Variants in CNTN1 observed in about 807,000 individuals in gnomAD.
The protein encoded by CNTN1 is contactin-1.
A neutral mutation model predicts 126.4 loss-of-function variants in CNTN1; 38 were observed. The observed-to-expected ratio is 0.30, with a 90% CI of 0.23 to 0.39. The LOEUF (loss-of-function observed/expected upper bound fraction) is 0.39, where lower values mean the gene tolerates loss of function less well. Ranked by LOEUF, CNTN1 falls within the 10% of genes least tolerant of loss-of-function variation. The probability of loss-of-function intolerance (pLI) is 1.00; values close to 1 mark genes in which losing one functional copy is unlikely to be tolerated. For synonymous variants in CNTN1, 413 were observed against 422.6 expected, an observed-to-expected ratio of 0.98 and a Z score of 0.28; for missense variants, 1,009 against 1,248.4, an observed-to-expected ratio of 0.81 and a Z score of 2.89.
intron 15 of CNTN1, among the ~76,000 whole-genome samples, chr12:40,965,729 G>C (rs1947282094): frequency 6.6e-6 from 1 of 152,000 alleles, no homozygotes; most frequent in Admixed American, 6.6e-5. Flanking sequence ...TGTAACTCTT[G>C]GTGCTAAATC....
intron 14 of CNTN1, among the ~76,000 whole-genome samples, chr12:40,950,963 TA>T (rs1946652997): frequency 6.6e-6 from 1 of 151,938 alleles, no homozygotes; most frequent in Non-Finnish European, 1.5e-5. Flanking sequence ...TAAGCATATA[TA>T]TATAATATAA....
At chr12:40,810,361 C>T (rs763765192) in intron 1 of CNTN1, among the ~76,000 whole-genome samples, 1 of 152,212 alleles carries the variant, frequency 6.6e-6, no homozygotes, top group Non-Finnish European at 1.5e-5. Flanking sequence ...GCCATCATCT[C>T]ACATAGCTAC....
At chr12:41,002,709 C>T (rs998406382) in intron 17 of CNTN1, among the ~76,000 whole-genome samples, 4 of 151,744 alleles carry the variant, frequency 2.6e-5, no homozygotes, top group African/African-American at 9.7e-5. Flanking sequence ...AGGTGCCTAC[C>T]ACCACGCTCG....
intron 1 of CNTN1, among the ~76,000 whole-genome samples, chr12:40,817,628 G>A (rs1214254965): frequency 6.6e-6 from 1 of 151,768 alleles, no homozygotes; most frequent in South Asian, 2.1e-4. Context: ...CAGTTTGCCA[G>A]TCTGTGTATT....
chr12:41,001,141 A>G (rs571411730), intron 17 of CNTN1, among the ~76,000 whole-genome samples: 147 of 152,300 alleles, frequency 9.7e-4, no homozygotes, highest in Admixed American at 1.6e-3. Context: ...TTTTGGGTAT[A>G]TACTCAGTAA....
At chr12:40,715,636 C>G (rs1199933625) in intron 1 of CNTN1, among the ~76,000 whole-genome samples, 8 of 152,100 alleles carry the variant, frequency 5.3e-5, no homozygotes, top group African/African-American at 1.7e-4. Context: ...TTATTACAAT[C>G]AAGCCTTTGG....
intron 9 of CNTN1, among the ~76,000 whole-genome samples, chr12:40,934,404 T>C (rs903353588): frequency 1.3e-5 from 2 of 151,846 alleles, no homozygotes; most frequent in African/African-American, 2.4e-5. Context: ...GGAGTCACAC[T>C]TTGAGAACCA....
At chr12:40,858,174 C>A (rs1215695379) in intron 1 of CNTN1, among the ~76,000 whole-genome samples, 4 of 152,114 alleles carry the variant, frequency 2.6e-5, no homozygotes, top group African/African-American at 9.7e-5. Flanking sequence ...ACTCCCTATT[C>A]TTTGCCCTTC....
intron 23 of CNTN1, among the ~76,000 whole-genome samples, chr12:41,046,156 A>T (rs1008788451): frequency 2.6e-5 from 4 of 152,150 alleles, no homozygotes; most frequent in Admixed American, 6.6e-5. Context: ...AATTTATCTA[A>T]CTTTTCTTTT....
intron 23 of CNTN1, among the ~76,000 whole-genome samples, chr12:41,068,858 G>A (rs556416188): frequency 4.1e-4 from 63 of 152,290 alleles, no homozygotes; most frequent in Non-Finnish European, 7.9e-4. Context: ...AGGCATGGTG[G>A]CTTATGCCTG....
At chr12:40,700,410 C>A (rs1043199880) in intron 1 of CNTN1, among the ~76,000 whole-genome samples, 2 of 151,924 alleles carry the variant, frequency 1.3e-5, no homozygotes, top group African/African-American at 4.8e-5. Context: ...CCTATAATCC[C>A]AGCTACTCAG....
At chr12:40,851,898 G>A (rs1488493446) in intron 1 of CNTN1, among the ~76,000 whole-genome samples, 1 of 152,160 alleles carries the variant, frequency 6.6e-6, no homozygotes, top group Non-Finnish European at 1.5e-5. Context: ...TAGGACATAT[G>A]TACAGAAAAT....
rs1489927231 is a variant in CNTN1, at chr12:41,029,205, A to G, written c.2966A>G (p.Gln989Arg). ...GATGGAGGAGATGGAGTGGTGTCTC[A>G]AGTCAAAATTTCAGGTAAGTGAGTC... The part of the protein sequence containing the change: ...HSDGGDGVVS[Q>R]VKISGAPTLS... Residue 989 changes from glutamine (Q) to arginine (R), a missense_variant, in exon 23 of 24, where the codon CAA becomes CGA. Physicochemically the swap from Gln to Arg is conservative, Grantham distance 43 (BLOSUM62 1). Coordinates refer to ENST00000551295, the MANE Select transcript of CNTN1 (RefSeq NM_001843.4). 6.2e-6 allele frequency: 10 copies of G among 1,613,920 alleles called. No homozygotes were observed. The South Asian group carries it at 1.1e-4, about 18-fold the overall frequency.
At chr12:41,012,593 G>A (rs1344697815) in intron 17 of CNTN1, among the ~76,000 whole-genome samples, 1 of 152,098 alleles carries the variant, frequency 6.6e-6, no homozygotes, top group Non-Finnish European at 1.5e-5. Context: ...CCCACATGAC[G>A]GCTGAGTACT....
intron 1 of CNTN1, among the ~76,000 whole-genome samples, chr12:40,838,447 T>G (rs1942150784): frequency 6.6e-6 from 1 of 152,178 alleles, no homozygotes; most frequent in Admixed American, 6.5e-5. Context: ...ACTACTGGAA[T>G]CTGAGCAAGA....
At chr12:40,867,254 C>G (rs1015343846) in intron 1 of CNTN1, among the ~76,000 whole-genome samples, 1 of 152,112 alleles carries the variant, frequency 6.6e-6, no homozygotes, top group Admixed American at 6.6e-5. Flanking sequence ...CAAGGTCTCC[C>G]CACACCCCAT....
In CNTN1 at chr12:41,029,088, A is replaced by G. The variant is rs1949091529; in HGVS notation, c.2849A>G (p.His950Arg). The G allele has an allele frequency of 1.2e-6, 2 of 1,613,994 alleles. No individual in the cohort carries two copies. The highest frequency in any genetic ancestry group is 1.3e-5 in the African/African-American group (1 of 74,922). ...GTACTCTACAGACCTGATGGCCAGCATGATGGCAAGCTGTATTCAACTCAC... is the reference window on the plus strand; with the variant it reads ...GTACTCTACAGACCTGATGGCCAGCGTGATGGCAAGCTGTATTCAACTCAC... Reference protein sequence around the residue: ...YKVLYRPDGQHDGKLYSTHKH... With the variant: ...YKVLYRPDGQRDGKLYSTHKH... Residue 950 changes from histidine (H) to arginine (R), a missense_variant, in exon 23 of 24, where the codon CAT becomes CGT. Transcript: ENST00000551295.
chr12:41,053,428 A>ATATATATAT lies in CNTN1; in HGVS notation c.2981-16531_2981-16530insTATATATAT, dbSNP rs1949730499. 5.9e-4 allele frequency among the ~76,000 whole-genome samples: 38 copies of ATATATATAT among 64,104 alleles called. 1 individual carries two copies. The highest frequency in any genetic ancestry group is 2.8e-3 in the African/African-American group (37 of 13,264). 42.1% of individuals were successfully genotyped at this position (64,104 alleles called of 152,430 possible). A position where few individuals can be genotyped will look rare whatever the true frequency, so the allele number is the denominator to read the frequency against. ...TTTTGTCTCTTTCATGTTTTCACTA[A>ATATATATAT]ATATATATATATATATATATATATA... On this transcript the variant is annotated intron_variant, in intron 23 of 23. Coordinates refer to ENST00000551295, the MANE Select transcript of CNTN1 (RefSeq NM_001843.4).
At chr12:40,944,687 T>TAA (rs113040231) in intron 14 of CNTN1, among the ~76,000 whole-genome samples, 70,428 of 151,358 alleles carry the variant, frequency 0.47, 16,347 homozygotes, top group Admixed American at 0.5. Context: ...ACAAGTCCTA[T>TAA]AGTTAAACAT....
Sources: allele counts gnomAD v4.1 joint callset (sites outside exome capture counted in the v4.1 genomes callset), GRCh38; gene constraint gnomAD v4.1.1; transcripts MANE v1.5; gene names NCBI Gene and HGNC (gene_info 2026-07-23, HGNC 2026-07-21).